Variants in TGDS observed in about 807,000 individuals in gnomAD.
TGDS encodes the protein TDP-glucose 4,6-dehydratase, also known as UDP-D-glucose 4,6-dehydratase.
A neutral mutation model predicts 52.3 loss-of-function variants in TGDS; 47 were observed. That is an observed-to-expected ratio of 0.90 (90% CI 0.71 to 1.15). The LOEUF is 1.15. Among genes scored for constraint, TGDS ranks in the 50% most tolerant of loss-of-function variants. The probability of loss-of-function intolerance (pLI) is 0.00; values close to 1 mark genes in which losing one functional copy is unlikely to be tolerated. For synonymous variants in TGDS, 115 were observed against 136.9 expected (o/e 0.84, Z 1.12); for missense variants, 375 against 418.4 (o/e 0.90, Z 0.90).
At chr13:94,589,550 G>A (rs1267629876) in intron 4 of TGDS, among the ~76,000 whole-genome samples, 1 of 151,982 alleles carries the variant, frequency 6.6e-6, no homozygotes, top group African/African-American at 2.4e-5. Context: ...TCCTGACCTC[G>A]TGATCCACCC....
chr13:94,587,911 G>A (rs1376254151), intron 4 of TGDS, among the ~76,000 whole-genome samples: 1 of 147,918 alleles, frequency 6.8e-6, no homozygotes, highest in Non-Finnish European at 1.5e-5. Context: ...GCAGGAGAAT[G>A]GCATGAACCC....
rs759952376 is a variant in TGDS at position 94,590,881 on chromosome 13, T to C, written c.285A>G (p.Val95=). 1.9e-6 allele frequency: 3 copies of C among 1,575,630 alleles called. No individual in the cohort carries two copies. The highest frequency in any genetic ancestry group is 4.1e-5 in the Admixed American group (2 of 48,924). The change falls in exon 4 of 12, where the codon GTA becomes GTG. Residue 95 remains valine, a synonymous_variant. Coordinates refer to ENST00000261296, the MANE Select transcript of TGDS (RefSeq NM_014305.4). The part of the protein sequence containing the change: ...LLFETEKIDI[V]LHFAAQTHVD... ...CATGTGTTTGTGCGGCAAAATGTAG[T>C]ACTATATCTATTTTCTCTGTTTCAA...
At chr13:94,590,823 A>G (rs1257297130) in intron 4 of TGDS, 30 bp downstream of exon 4, 6 of 1,517,844 alleles carry the variant, frequency 4.0e-6, no homozygotes, top group Non-Finnish European at 5.3e-6. Context: ...AGAACTGCCA[A>G]TCATAACTGT....
At chr13:94,581,552 C>T (rs1417700613) in intron 5 of TGDS, among the ~76,000 whole-genome samples, 3 of 152,206 alleles carry the variant, frequency 2.0e-5, no homozygotes, top group African/African-American at 4.8e-5. Context: ...AATGCCAGGT[C>T]TGACTTACAT....
rs2139509763 is a variant in TGDS, at chr13:94,574,796, G to A, written c.1039C>T (p.Pro347Ser). The A allele has an allele frequency of 6.2e-7, 1 of 1,602,300 alleles. No homozygotes were observed. Among genetic ancestry groups the A allele is most frequent in the East Asian group, 2.2e-5 (1 of 44,746 alleles). Residue 347 changes from proline (P) to serine (S), a missense_variant, in exon 12 of 12, where the codon CCC (proline) becomes TCC (serine). By Grantham distance (74) the Pro-to-Ser change is moderately conservative. Coordinates refer to ENST00000261296, the MANE Select transcript of TGDS (RefSeq NM_014305.4). ...NWKNVEKALE[P>S]FPV ...ATAAATGGTGATTATACCGGAAAGG[G>A]TTCTAATGCCTTTTCCACATTCTTC...
At chr13:94,578,890 T>G in intron 7 of TGDS, 117 bp from the exon 8 acceptor site, 1 of 553,998 alleles carries the variant, frequency 1.8e-6, no homozygotes, top group Non-Finnish European at 3.1e-6. Context: ...CTTCTAATTA[T>G]TTTTATCAGT....
intron 10 of TGDS, 42 bp from the exon 11 acceptor site, chr13:94,576,453 T>C (rs779275415): frequency 6.0e-6 from 8 of 1,339,650 alleles, no homozygotes; most frequent in Non-Finnish European, 8.1e-6. Context: ...TGTAGATATA[T>C]ATTTACAAAT....
At chr13:94,579,983 T>C in intron 6 of TGDS, 30 bp from the exon 7 acceptor site, 1 of 1,376,756 alleles carries the variant, frequency 7.3e-7, no homozygotes, top group East Asian at 2.3e-5. Flanking sequence ...TTAAGGCTTT[T>C]AAAAAGGTCT....
intron 1 of TGDS, 181 bp downstream of exon 1, chr13:94,595,870 G>C: frequency 7.4e-6 from 5 of 677,186 alleles, no homozygotes; most frequent in Non-Finnish European, 1.3e-5. Flanking sequence ...CAGTTTCAAA[G>C]GAACCACTTC....
chr13:94,589,568 C>G lies in TGDS; in HGVS notation c.313+1285G>C, dbSNP rs375805049. On this transcript the variant is annotated intron_variant, in intron 4 of 11. Coordinates refer to ENST00000261296, the MANE Select transcript of TGDS (RefSeq NM_014305.4). ...TGACCTCGTGATCCACCCGCCTCAG[C>G]CTCCCAAAGTTCTGGGATTACAGGC... is the stretch of plus-strand genomic sequence containing the variant. Among the ~76,000 whole-genome samples the G allele has an allele frequency of 9.9e-5, 15 of 152,254 alleles. No homozygotes were observed. The South Asian group carries it at 2.9e-3, about 29-fold the overall frequency.
intron 4 of TGDS, among the ~76,000 whole-genome samples, chr13:94,588,421 CAAAAAAAAAAAA>C (rs150186125): frequency 5.1e-5 from 3 of 58,492 alleles, no homozygotes; most frequent in East Asian, 6.7e-4. Context: ...GACTCTGTCT[CAAAAAAAAAAAA>C]AAAAAAAAAA....
At chr13:94,582,106 G>C (rs923580317) in intron 5 of TGDS, among the ~76,000 whole-genome samples, 1 of 151,864 alleles carries the variant, frequency 6.6e-6, no homozygotes, top group East Asian at 1.9e-4. Context: ...GCTGAGGCAG[G>C]AGAATTGCTT....
At chr13:94,586,748 ATTATTTTTTT>A (rs1888998856) in intron 4 of TGDS, among the ~76,000 whole-genome samples, 2 of 88,446 alleles carry the variant, frequency 2.3e-5, no homozygotes, top group African/African-American at 6.2e-5. Flanking sequence ...AAGAAATCAA[ATTATTTTTTT>A]TTTTTTTTTT....
At chr13:94,589,440 G>A (rs1192225858) in intron 4 of TGDS, among the ~76,000 whole-genome samples, 1 of 151,188 alleles carries the variant, frequency 6.6e-6, no homozygotes, top group African/African-American at 2.4e-5. Context: ...TCAGCCTCCC[G>A]AGTAGTTGGG....
chr13:94,588,421 C>CAAAAAAAAAAAAAAAAAAAAAA, intron 4 of TGDS, among the ~76,000 whole-genome samples: 1 of 58,492 alleles, frequency 1.7e-5, no homozygotes, highest in African/African-American at 7.0e-5. Context: ...GACTCTGTCT[C>CAAAAAAAAAAAAAAAAAAAAAA]AAAAAAAAAA....
Position 94,577,875 on chromosome 13 carries a change from C to T in TGDS, c.825+130G>A, listed in dbSNP as rs1368934584. On this transcript the variant is annotated intron_variant, in intron 9 of 11. Coordinates refer to ENST00000261296, the MANE Select transcript of TGDS (RefSeq NM_014305.4). Reference sequence around the variant, plus strand: ...AACTTAATTTAAGACACATATGGTACACAAAATCATTAATTTCATTTTCTA... The same window carrying T: ...AACTTAATTTAAGACACATATGGTATACAAAATCATTAATTTCATTTTCTA... 39 of 952,808 alleles carry T rather than the reference C, an allele frequency of 4.1e-5. No individual in the cohort carries two copies. The South Asian group carries it at 7.6e-4, about 19-fold the overall frequency. The allele number at this position is 952,808 out of a possible 1,614,324, so 59.0% of individuals were successfully genotyped here.
Position 94,574,704 on chromosome 13 carries a change from G to T in TGDS, c.*78C>A. On this transcript the variant is annotated 3_prime_UTR_variant, in exon 12 of 12. Coordinates refer to ENST00000261296, the MANE Select transcript of TGDS (RefSeq NM_014305.4). ...CAAAAGAAAAGAGTGCACTTCATTT[G>T]GTCACTTAATTTCATACCACTTGGC... 2.4e-6 allele frequency: 2 copies of T among 831,136 alleles called. No individual in the cohort carries two copies. The highest frequency in any genetic ancestry group is 1.7e-5 in the African/African-American group (1 of 57,648). The allele number at this position is 831,136 out of a possible 1,614,324, so 51.5% of individuals were successfully genotyped here.
chr13:94,591,054 T>A, intron 3 of TGDS, 111 bp from the exon 4 acceptor site: 1 of 705,340 alleles, frequency 1.4e-6, no homozygotes, highest in Non-Finnish European at 2.4e-6. Context: ...TAATAGAGAA[T>A]GCCTTGAAAA....
intron 3 of TGDS, among the ~76,000 whole-genome samples, chr13:94,591,794 T>C (rs187286176): frequency 5.3e-4 from 80 of 152,362 alleles, no homozygotes; most frequent in African/African-American, 1.9e-3. Context: ...CTTTAAGTTT[T>C]GTAGTTAAAA....
Sources: gnomAD v4.1 joint callset for allele counts (sites outside exome capture counted in the v4.1 genomes callset) on GRCh38, gnomAD v4.1.1 for gene constraint, MANE v1.5 for transcripts, NCBI Gene and HGNC (gene_info 2026-07-23, HGNC 2026-07-21) for gene names.